Variants in SAMD4A observed in about 807,000 individuals in gnomAD.
SAMD4A encodes protein Smaug homolog 1.
In SAMD4A, 33 loss-of-function variants were observed where a neutral mutation model predicts 81.3. The ratio of observed to expected loss-of-function variants is 0.41; its 90% CI spans 0.31 to 0.54. SAMD4A has a LOEUF of 0.54. Ranked by LOEUF, SAMD4A falls within the 20% of genes least tolerant of loss-of-function variation. The pLI, the probability that SAMD4A is intolerant of heterozygous loss-of-function variation, is 0.37. For missense variants in SAMD4A, 854 were observed against 951.1 expected, an observed-to-expected ratio of 0.90 and a Z score of 1.34; for synonymous variants, 389 against 382.1, an observed-to-expected ratio of 1.02 and a Z score of -0.21.
chr14:54,627,332 G>A lies in SAMD4A; in HGVS notation c.196+59220G>A, dbSNP rs186683398. 2.6e-5 allele frequency among the ~76,000 whole-genome samples: 4 copies of A among 152,312 alleles called. No individual in the cohort carries two copies. In the South Asian group the frequency reaches 6.2e-4, roughly 24 times the overall value. ...GTGAGTCCTAAGGTTAACCAGAGTA[G>A]TTTTTCAAAGACGCAGCTTGTCCGT... On this transcript the variant is annotated intron_variant, in intron 2 of 12. Coordinates refer to ENST00000554335, the MANE Select transcript of SAMD4A (RefSeq NM_015589.6).
chr14:54,599,648 C>T (rs1257013473), intron 2 of SAMD4A, among the ~76,000 whole-genome samples: 1 of 152,178 alleles, frequency 6.6e-6, no homozygotes, highest in Admixed American at 6.5e-5. Context: ...TCTTCTCATC[C>T]ATTTAGTGGA....
intron 2 of SAMD4A, among the ~76,000 whole-genome samples, chr14:54,589,378 T>C (rs1002889212): frequency 5.3e-5 from 8 of 152,358 alleles, no homozygotes; most frequent in Admixed American, 2.6e-4. Flanking sequence ...CTAAATTTTA[T>C]GGCCATGTGT....
chr14:54,658,852 A>C (rs1468242108), intron 2 of SAMD4A, among the ~76,000 whole-genome samples: 2 of 152,240 alleles, frequency 1.3e-5, no homozygotes, highest in Non-Finnish European at 2.9e-5. Flanking sequence ...ACTCATTAGA[A>C]GTCAGGCTGA....
At chr14:54,568,732 TATATATATAA>T (rs1251217872) in intron 2 of SAMD4A, among the ~76,000 whole-genome samples, 1 of 117,104 alleles carries the variant, frequency 8.5e-6, no homozygotes, top group Non-Finnish European at 1.8e-5. Context: ...TATATATATA[TATATATATAA>T]TGCGGTTAAG....
At position 54,568,080 on chromosome 14, in the gene SAMD4A, T is replaced by A; in HGVS notation, c.164T>A (p.Leu55Gln). 6.3e-7 allele frequency: 1 copy of A among 1,575,668 alleles called. No homozygotes were observed. The highest frequency in any genetic ancestry group is 8.6e-7 in the Non-Finnish European group (1 of 1,168,776). The change falls in exon 2 of 13, where the codon CTG (leucine) becomes CAG (glutamine). Residue 55 changes from leucine (L) to glutamine (Q), a missense_variant. Coordinates refer to ENST00000554335, the MANE Select transcript of SAMD4A (RefSeq NM_015589.6). ...LEHSLADCAE[L>Q]HVLEREANSP... ...CACTCGCTGGCCGACTGCGCCGAGCTGCACGTCCTCGAACGCGAGGCCAAC... is the reference window on the plus strand; with the variant it reads ...CACTCGCTGGCCGACTGCGCCGAGCAGCACGTCCTCGAACGCGAGGCCAAC...
intron 6 of SAMD4A, among the ~76,000 whole-genome samples, chr14:54,752,015 G>T (rs1251025560): frequency 6.6e-6 from 1 of 152,102 alleles, no homozygotes; most frequent in South Asian, 2.1e-4. Flanking sequence ...CAGATAGTGG[G>T]GTTCAAAAGC....
At position 54,724,006 on chromosome 14, in the gene SAMD4A, AT is replaced by A. The variant is rs113663381; in HGVS notation, c.716-13017del. Among the ~76,000 whole-genome samples, 352 of 132,788 alleles carry A rather than the reference AT, an allele frequency of 2.7e-3. 1 individual carries two copies. The highest frequency in any genetic ancestry group is 7.5e-3 in the Middle Eastern group (2 of 268). The allele number at this position is 132,788 out of a possible 152,430, so 87.1% of individuals were successfully genotyped here. Reference sequence around the variant, plus strand: ...CAGCAAATATTGGATGGATGGATGGATGGAAGGAAGGAAGGAAGGAAGGAAG... The same window carrying A: ...CAGCAAATATTGGATGGATGGATGGAGGAAGGAAGGAAGGAAGGAAGGAAG... On this transcript the variant is annotated intron_variant, in intron 3 of 12. Transcript: ENST00000554335.
At chr14:54,579,227 A>G (rs1334539364) in intron 2 of SAMD4A, among the ~76,000 whole-genome samples, 1 of 152,272 alleles carries the variant, frequency 6.6e-6, no homozygotes, top group Non-Finnish European at 1.5e-5. Context: ...TAAATGCCGT[A>G]TATTTCAATA....
At chr14:54,571,186 A>G (rs1460520934) in intron 2 of SAMD4A, among the ~76,000 whole-genome samples, 11 of 152,214 alleles carry the variant, frequency 7.2e-5, no homozygotes, top group African/African-American at 2.7e-4. Context: ...TTGAGAATCT[A>G]GTGATTCACT....
In SAMD4A at chr14:54,748,885, G is replaced by A; in HGVS notation, c.1050G>A (p.Glu350=). The A allele has an allele frequency of 6.4e-7, 1 of 1,555,070 alleles. No individual in the cohort carries two copies. The highest frequency in any genetic ancestry group is 1.2e-5 in the South Asian group (1 of 84,256). Residue 350 remains glutamate (E), a synonymous_variant, in exon 5 of 13, where the codon GAG becomes GAA. Coordinates refer to ENST00000554335, the MANE Select transcript of SAMD4A (RefSeq NM_015589.6). ...YAALFSQMTY[E]EMMALTECQL... ...CGCTTTTCTCCCAGATGACCTATGAGGAGATGATGGCCCTCACCGAGTGCC... is the reference window on the plus strand; with the variant it reads ...CGCTTTTCTCCCAGATGACCTATGAAGAGATGATGGCCCTCACCGAGTGCC...
chr14:54,655,595 G>A (rs187397358), intron 2 of SAMD4A, among the ~76,000 whole-genome samples: 11 of 152,106 alleles, frequency 7.2e-5, no homozygotes, highest in Admixed American at 2.0e-4. Flanking sequence ...AAAATTAGCC[G>A]GGCATGGTGG....
intron 2 of SAMD4A, among the ~76,000 whole-genome samples, chr14:54,613,897 G>A (rs534591116): frequency 1.3e-5 from 2 of 152,288 alleles, no homozygotes; most frequent in East Asian, 1.9e-4. Context: ...GTTACCTCAC[G>A]AGTGTACAGA....
intron 2 of SAMD4A, among the ~76,000 whole-genome samples, chr14:54,673,805 G>A (rs1458523409): frequency 1.3e-5 from 2 of 152,222 alleles, no homozygotes; most frequent in African/African-American, 4.8e-5. Context: ...GCTGAAGGGA[G>A]ATCAAATTTC....
chr14:54,792,721 C>G lies in SAMD4A; in HGVS notation c.*3777C>G, dbSNP rs763544839. The G allele has an allele frequency of 2.7e-5, 4 of 150,400 alleles. No individual in the cohort carries two copies. Among genetic ancestry groups the G allele is most frequent in the Non-Finnish European group, 5.9e-5 (4 of 67,716 alleles). The allele number at this position is 150,400 out of a possible 1,614,324, so 9.3% of individuals were successfully genotyped here. On this transcript the variant is annotated 3_prime_UTR_variant, in exon 13 of 13. Coordinates refer to ENST00000554335, the MANE Select transcript of SAMD4A (RefSeq NM_015589.6). ...CTAATGTTGATTTTTTTTTTTTTTA[C>G]AAGTCATCAGAGATGTTTGCAAAGT...
At chr14:54,778,167 T>TC (rs1000283039) in intron 11 of SAMD4A, among the ~76,000 whole-genome samples, 23 of 152,278 alleles carry the variant, frequency 1.5e-4, no homozygotes, top group African/African-American at 5.3e-4. Flanking sequence ...CTTGATTTTT[T>TC]CCCTTCCTGC....
intron 2 of SAMD4A, among the ~76,000 whole-genome samples, chr14:54,634,066 A>G (rs953980228): frequency 5.3e-4 from 81 of 152,076 alleles, no homozygotes; most frequent in African/African-American, 1.8e-3. Flanking sequence ...TGGGCAGATC[A>G]TCTGAGGTCA....
chr14:54,691,656 C>T (rs1198807233), intron 2 of SAMD4A, among the ~76,000 whole-genome samples: 1 of 151,204 alleles, frequency 6.6e-6, no homozygotes, highest in African/African-American at 2.4e-5. Flanking sequence ...AGGTGAAAAT[C>T]AGCAGCCTTT....
At chr14:54,575,900 G>T (rs1388626070) in intron 2 of SAMD4A, among the ~76,000 whole-genome samples, 3 of 151,316 alleles carry the variant, frequency 2.0e-5, no homozygotes, top group Non-Finnish European at 4.4e-5. Flanking sequence ...GAAGGCCGGA[G>T]AATTTCCCCG....
intron 2 of SAMD4A, among the ~76,000 whole-genome samples, chr14:54,637,321 C>G (rs1416377667): frequency 1.5e-5 from 2 of 131,642 alleles, no homozygotes; most frequent in Admixed American, 1.7e-4. Flanking sequence ...GCTGAGACTG[C>G]GTCATTGCAC....
Sources: allele counts gnomAD v4.1 joint callset (sites outside exome capture counted in the v4.1 genomes callset), GRCh38; gene constraint gnomAD v4.1.1; transcripts MANE v1.5; gene names NCBI Gene and HGNC (gene_info 2026-07-23, HGNC 2026-07-21).